The following PRKAG2 variants were observed in gnomAD, a reference collection of about 807,000 sequenced individuals.
PRKAG2 encodes 5'-AMP-activated protein kinase subunit gamma-2.
PRKAG2 carries 26 observed loss-of-function variants against 69.6 expected under a neutral mutation model. The observed-to-expected ratio is 0.37, with a 90% CI of 0.27 to 0.52. The LOEUF (loss-of-function observed/expected upper bound fraction) is 0.52, where lower values mean the gene tolerates loss of function less well. Ranked by LOEUF, PRKAG2 falls within the 20% of genes least tolerant of loss-of-function variation. The pLI, the probability that PRKAG2 is intolerant of heterozygous loss-of-function variation, is 0.90. For missense variants in PRKAG2, 557 were observed against 740.0 expected (o/e 0.75, Z 2.87); for synonymous variants, 293 against 285.0 (o/e 1.03, Z -0.28).
chr7:151,799,672 C>T (rs895145399), intron 1 of PRKAG2, among the ~76,000 whole-genome samples: 16 of 152,294 alleles, frequency 1.1e-4, no homozygotes, highest in Admixed American at 7.8e-4. Flanking sequence ...CTGACGGGCG[C>T]GGACACTCTG....
rs939910387 is a variant in PRKAG2 at position 151,835,888 on chromosome 7, G to A, written c.114+40619C>T. 4.6e-5 allele frequency among the ~76,000 whole-genome samples: 7 copies of A among 152,180 alleles called. No homozygotes were observed. Among genetic ancestry groups the A allele is most frequent in the Non-Finnish European group, 8.8e-5 (6 of 68,030 alleles). ...CTGTCCCACAAAGGGCAGCCTTTCCGTATTCAAGAGTGGGGTGCAGCTCAG... is the reference window on the plus strand; with the variant it reads ...CTGTCCCACAAAGGGCAGCCTTTCCATATTCAAGAGTGGGGTGCAGCTCAG... On this transcript the variant is annotated intron_variant, in intron 1 of 15. Coordinates refer to ENST00000287878, the MANE Select transcript of PRKAG2 (RefSeq NM_016203.4). This position sits in a 1 kb window ranked among gnomAD's most constrained non-coding sequence, Gnocchi z 4.1.
rs2078192074 is a variant in PRKAG2 at position 151,807,796 on chromosome 7, A to G, written c.115-21255T>C. On this transcript the variant is annotated intron_variant, in intron 1 of 15. Coordinates refer to ENST00000287878, the MANE Select transcript of PRKAG2 (RefSeq NM_016203.4). This position sits in a 1 kb window ranked among gnomAD's most constrained non-coding sequence, Gnocchi z 4.4. Reference sequence around the variant, plus strand: ...GACTTGGCGGGTTATTGGATTAGCTACTCTCAGAAGACCCAAAAGGCATAG... The same window carrying G: ...GACTTGGCGGGTTATTGGATTAGCTGCTCTCAGAAGACCCAAAAGGCATAG... Among the ~76,000 whole-genome samples the G allele has an allele frequency of 1.3e-5, 2 of 152,096 alleles. No individual in the cohort carries two copies. The highest frequency in any genetic ancestry group is 2.4e-5 in the African/African-American group (1 of 41,390).
chr7:151,558,765 G>A, intron 15 of PRKAG2: 1 of 985,338 alleles, frequency 1.0e-6, no homozygotes, highest in Non-Finnish European at 1.2e-6. Flanking sequence ...ATTCCAGCTG[G>A]AAATAGATTC....
chr7:151,735,147 C>T (rs986998218), intron 3 of PRKAG2, among the ~76,000 whole-genome samples: 1 of 152,118 alleles, frequency 6.6e-6, no homozygotes. Flanking sequence ...TGAGCCACCG[C>T]GCCCGGCCTC....
chr7:151,721,796 G>A (rs542041501), intron 3 of PRKAG2, among the ~76,000 whole-genome samples: 5 of 152,256 alleles, frequency 3.3e-5, no homozygotes, highest in Non-Finnish European at 5.9e-5. Flanking sequence ...TTTCATAGAC[G>A]TTATCTGGCC....
At chr7:151,782,747 C>G (rs553259067) in intron 2 of PRKAG2, among the ~76,000 whole-genome samples, 2 of 152,176 alleles carry the variant, frequency 1.3e-5, no homozygotes, top group African/African-American at 4.8e-5. Context: ...TGGCCGTGCC[C>G]TCACCTCAAG....
chr7:151,734,496 T>C (rs1799446524), intron 3 of PRKAG2, among the ~76,000 whole-genome samples: 1 of 152,168 alleles, frequency 6.6e-6, no homozygotes, highest in South Asian at 2.1e-4. Flanking sequence ...CATCTTGCAG[T>C]GGGCTCTTCA....
chr7:151,657,750 G>C (rs1478824426), intron 4 of PRKAG2, among the ~76,000 whole-genome samples: 2 of 152,190 alleles, frequency 1.3e-5, no homozygotes, highest in Non-Finnish European at 2.9e-5. Context: ...GAGACTAACT[G>C]CTTTGGGCTG....
At position 151,730,374 on chromosome 7, in the gene PRKAG2, C is replaced by T. The variant is rs555573092; in HGVS notation, c.466+50778G>A. ...TGTTCTCCCTACTTCTGTATTCTTT[C>T]GAAAATTTCTGGCCAGGTGTGGTGG... On this transcript the variant is annotated intron_variant, in intron 3 of 15. Coordinates refer to ENST00000287878, the MANE Select transcript of PRKAG2 (RefSeq NM_016203.4). Among the ~76,000 whole-genome samples, 88 of 152,260 alleles carry T rather than the reference C, an allele frequency of 5.8e-4. 1 individual carries two copies. Among genetic ancestry groups the T allele is most frequent in the African/African-American group, 1.8e-3 (74 of 41,548 alleles).
In PRKAG2 at chr7:151,781,327, G is replaced by A. The variant is rs760969126; in HGVS notation, c.291C>T (p.Thr97=). The A allele has an allele frequency of 1.2e-6, 2 of 1,614,048 alleles. No homozygotes were observed. The highest frequency in any genetic ancestry group is 4.5e-5 in the East Asian group (2 of 44,884). ...ACACGGTTTTGGGAGAGCCGGGGCT[G>A]GTCTTGGGCCTCACAGGTGCAGACA... is the stretch of plus-strand genomic sequence containing the variant. ...SPMSAPVRPK[T]SPGSPKTVFP... The change falls in exon 3 of 16, where the codon ACC becomes ACT. Residue 97 remains threonine (T), a synonymous_variant. Transcript: ENST00000287878. This position sits in a 1 kb window ranked among gnomAD's most constrained non-coding sequence, Gnocchi z 6.1.
intron 1 of PRKAG2, among the ~76,000 whole-genome samples, chr7:151,787,257 C>T (rs922819516): frequency 2.6e-5 from 4 of 152,126 alleles, no homozygotes; most frequent in African/African-American, 4.8e-5. Context: ...TTTAAGTGTG[C>T]GGTTTGGTGG....
intron 3 of PRKAG2, among the ~76,000 whole-genome samples, chr7:151,774,497 C>T (rs2076239313): frequency 6.6e-6 from 1 of 152,118 alleles, no homozygotes; most frequent in Admixed American, 6.5e-5. Flanking sequence ...GCTTTCTTTC[C>T]CCTTAATAAT....
At chr7:151,840,735 C>T (rs1182763190) in intron 1 of PRKAG2, among the ~76,000 whole-genome samples, 1 of 152,236 alleles carries the variant, frequency 6.6e-6, no homozygotes, top group Non-Finnish European at 1.5e-5. Context: ...ACAGGGGCTC[C>T]GGCCCCAAGC....
rs775535324 is a variant in PRKAG2, at chr7:151,557,183, C to T, written c.*18G>A. ...CTTTGTTCAAGTTCTCCTCCTAGGG[C>T]GTCTACATTCACGGCGGTCACTCCG... On this transcript the variant is annotated 3_prime_UTR_variant, in exon 16 of 16. Coordinates refer to ENST00000287878, the MANE Select transcript of PRKAG2 (RefSeq NM_016203.4). 1.1e-5 allele frequency: 18 copies of T among 1,614,002 alleles called. No homozygotes were observed. The highest frequency in any genetic ancestry group is 3.3e-5 in the Admixed American group (2 of 59,994).
chr7:151,612,933 C>T (rs1213338404), intron 5 of PRKAG2, among the ~76,000 whole-genome samples: 2 of 152,198 alleles, frequency 1.3e-5, no homozygotes, highest in East Asian at 3.9e-4. Flanking sequence ...GCGGCAGCCT[C>T]CCAGGATGAG....
At chr7:151,763,333 G>A (rs2075542567) in intron 3 of PRKAG2, among the ~76,000 whole-genome samples, 3 of 152,236 alleles carry the variant, frequency 2.0e-5, no homozygotes, top group South Asian at 4.1e-4. Context: ...ACAGAGTCGA[G>A]CACACGGGTT....
chr7:151,807,779 G>A lies in PRKAG2; in HGVS notation c.115-21238C>T, dbSNP rs982027276. On this transcript the variant is annotated intron_variant, in intron 1 of 15. Coordinates refer to ENST00000287878, the MANE Select transcript of PRKAG2 (RefSeq NM_016203.4). The surrounding 1 kb of genome is among the most constrained non-coding windows in gnomAD (Gnocchi z 4.4). ...CATCCGAACCCTTCTCTGACTTGGC[G>A]GGTTATTGGATTAGCTACTCTCAGA... 5 of 362,976 alleles carry A rather than the reference G, an allele frequency of 1.4e-5. No individual in the cohort carries two copies. Among genetic ancestry groups the A allele is most frequent in the African/African-American group, 4.3e-5 (2 of 46,924 alleles). The allele number at this position is 362,976 out of a possible 1,614,324, so 22.5% of individuals were successfully genotyped here. A position where few individuals can be genotyped will look rare whatever the true frequency, so the allele number is the denominator to read the frequency against.
intron 3 of PRKAG2, among the ~76,000 whole-genome samples, chr7:151,747,203 C>T (rs572995533): frequency 6.6e-6 from 1 of 152,232 alleles, no homozygotes; most frequent in African/African-American, 2.4e-5. Flanking sequence ...TGTGTTGACG[C>T]ATATAGGGTG....
At chr7:151,630,550 G>T (rs1276477685) in intron 5 of PRKAG2, among the ~76,000 whole-genome samples, 2 of 152,242 alleles carry the variant, frequency 1.3e-5, no homozygotes, top group Admixed American at 1.3e-4. Context: ...AAGGCACAGA[G>T]AGGTTAAGTA....
Sources: gnomAD v4.1 joint callset for allele counts (sites outside exome capture counted in the v4.1 genomes callset) on GRCh38, gnomAD v4.1.1 for gene constraint, Gnocchi (gnomAD v3.1) non-coding constraint, MANE v1.5 for transcripts, NCBI Gene and HGNC (gene_info 2026-07-23, HGNC 2026-07-21) for gene names.